Variants in KCND2 observed in about 807,000 individuals in gnomAD.
KCND2 encodes the protein potassium voltage-gated channel subfamily D member 2.
Under a neutral mutation model 54.4 loss-of-function variants are expected in KCND2, and 16 were observed. That is an observed-to-expected ratio of 0.29 (90% CI 0.20 to 0.45). The LOEUF is 0.45. Ranked by LOEUF, KCND2 falls within the 20% of genes least tolerant of loss-of-function variation. The pLI is 1.00. For missense variants in KCND2, 486 were observed against 824.2 expected (o/e 0.59, Z 5.02); for synonymous variants, 317 against 310.7 (o/e 1.02, Z -0.21).
chr7:120,573,322 A>G (rs1792388581), intron 1 of KCND2, among the ~76,000 whole-genome samples: 1 of 152,222 alleles, frequency 6.6e-6, no homozygotes, highest in Non-Finnish European at 1.5e-5. Context: ...TGTAAAATAC[A>G]TATTCAAAAT....
chr7:120,365,587 C>T (rs1455708620), intron 1 of KCND2, among the ~76,000 whole-genome samples: 2 of 152,062 alleles, frequency 1.3e-5, no homozygotes, highest in Non-Finnish European at 2.9e-5. Context: ...AGCCTGCGTG[C>T]CCCTGATTAA....
intron 1 of KCND2, among the ~76,000 whole-genome samples, chr7:120,372,948 C>T: frequency 6.6e-6 from 1 of 151,774 alleles, no homozygotes; most frequent in East Asian, 1.9e-4. Context: ...ATTGAATTTC[C>T]TTTATAAAGT....
At chr7:120,315,188 C>T (rs1799795613) in intron 1 of KCND2, among the ~76,000 whole-genome samples, 1 of 152,122 alleles carries the variant, frequency 6.6e-6, no homozygotes. Context: ...CTGAGCATTT[C>T]ATTAGGGTTC....
At chr7:120,567,131 T>G (rs1406902703) in intron 1 of KCND2, among the ~76,000 whole-genome samples, 5 of 152,202 alleles carry the variant, frequency 3.3e-5, no homozygotes, top group Non-Finnish European at 7.3e-5. Context: ...GTGGTGCTTA[T>G]CAACGTTCAA....
intron 1 of KCND2, among the ~76,000 whole-genome samples, chr7:120,484,482 A>G (rs949369122): frequency 3.3e-5 from 5 of 150,412 alleles, no homozygotes; most frequent in African/African-American, 1.2e-4. Flanking sequence ...TAATACAAAT[A>G]TTTTTATATA....
intron 1 of KCND2, among the ~76,000 whole-genome samples, chr7:120,505,842 G>T (rs1184766226): frequency 6.6e-6 from 1 of 151,790 alleles, no homozygotes; most frequent in East Asian, 1.9e-4. Flanking sequence ...ATACCATTAT[G>T]TGGCTGGGTG....
At chr7:120,631,185 A>G (rs1793229475) in intron 1 of KCND2, among the ~76,000 whole-genome samples, 1 of 152,116 alleles carries the variant, frequency 6.6e-6, no homozygotes, top group South Asian at 2.1e-4. Flanking sequence ...TATAAATAGT[A>G]TTCTTATCAT....
intron 1 of KCND2, among the ~76,000 whole-genome samples, chr7:120,642,637 A>C (rs557054999): frequency 7.9e-5 from 12 of 151,658 alleles, no homozygotes; most frequent in African/African-American, 2.6e-4. Context: ...GATAGTTTAA[A>C]GGGTTTTTTT....
chr7:120,521,565 C>G (rs1791693858), intron 1 of KCND2, among the ~76,000 whole-genome samples: 1 of 152,060 alleles, frequency 6.6e-6, no homozygotes, highest in African/African-American at 2.4e-5. Context: ...TTTTTAAATA[C>G]AGTCAACTGT....
intron 1 of KCND2, among the ~76,000 whole-genome samples, chr7:120,495,204 C>A (rs1159605943): frequency 1.3e-5 from 2 of 151,960 alleles, no homozygotes; most frequent in African/African-American, 2.4e-5. Flanking sequence ...AACATTTAAG[C>A]CTATTCTATA....
chr7:120,632,730 G>GTAA, intron 1 of KCND2, among the ~76,000 whole-genome samples: 1 of 152,150 alleles, frequency 6.6e-6, no homozygotes. Flanking sequence ...TGTTTTAACA[G>GTAA]ATGAGGAAAT....
chr7:120,289,336 T>G (rs1799401847), intron 1 of KCND2, among the ~76,000 whole-genome samples: 1 of 151,960 alleles, frequency 6.6e-6, no homozygotes, highest in Non-Finnish European at 1.5e-5. Flanking sequence ...TGCAATAAAA[T>G]GGAAATCTCA....
chr7:120,453,640 G>C (rs1286825004), intron 1 of KCND2, among the ~76,000 whole-genome samples: 1 of 152,142 alleles, frequency 6.6e-6, no homozygotes, highest in Non-Finnish European at 1.5e-5. Flanking sequence ...CAATTACATT[G>C]AAATTAGCCT....
intron 1 of KCND2, among the ~76,000 whole-genome samples, chr7:120,460,885 C>G (rs1233818832): frequency 6.6e-6 from 1 of 152,144 alleles, no homozygotes; most frequent in African/African-American, 2.4e-5. Flanking sequence ...ATGTAGTTCT[C>G]TTTCTTATAG....
At chr7:120,529,268 T>C (rs777660426) in intron 1 of KCND2, among the ~76,000 whole-genome samples, 12 of 152,188 alleles carry the variant, frequency 7.9e-5, no homozygotes, top group Non-Finnish European at 1.5e-4. Flanking sequence ...ATGAAAAAGA[T>C]GGTCTTCTAG....
At chr7:120,602,077 T>G (rs1792820414) in intron 1 of KCND2, among the ~76,000 whole-genome samples, 1 of 152,170 alleles carries the variant, frequency 6.6e-6, no homozygotes, top group Non-Finnish European at 1.5e-5. Flanking sequence ...AGCTGCAGAC[T>G]TCCATACCAA....
At chr7:120,594,074 T>C (rs1426190891) in intron 1 of KCND2, among the ~76,000 whole-genome samples, 1 of 152,200 alleles carries the variant, frequency 6.6e-6, no homozygotes, top group Non-Finnish European at 1.5e-5. Flanking sequence ...GGAACTCTGA[T>C]ACATAAAGGT....
At chr7:120,449,814 A>C (rs1203780528) in intron 1 of KCND2, among the ~76,000 whole-genome samples, 1 of 152,230 alleles carries the variant, frequency 6.6e-6, no homozygotes, top group Non-Finnish European at 1.5e-5. Flanking sequence ...CATTTCAAAT[A>C]CAAATCTTTA....
At chr7:120,707,989 G>C (rs1047729042) in intron 1 of KCND2, among the ~76,000 whole-genome samples, 2 of 151,870 alleles carry the variant, frequency 1.3e-5, no homozygotes, top group Non-Finnish European at 2.9e-5. Context: ...TGATACAAGA[G>C]GTTTTTTCAG....
Sources: allele counts gnomAD v4.1 joint callset (sites outside exome capture counted in the v4.1 genomes callset), GRCh38; gene constraint gnomAD v4.1.1; transcripts MANE v1.5; gene names NCBI Gene and HGNC (gene_info 2026-07-23, HGNC 2026-07-21).